The following NEDD4L variants were observed in gnomAD, a reference collection of about 807,000 sequenced individuals.
NEDD4L encodes E3 ubiquitin-protein ligase NEDD4-like.
A neutral mutation model predicts 148.9 loss-of-function variants in NEDD4L; 54 were observed. That is an observed-to-expected ratio of 0.36 (90% CI 0.29 to 0.45). NEDD4L has a LOEUF of 0.45. NEDD4L is among the 20% of genes least tolerant of loss of function. The pLI is 1.00. For synonymous variants in NEDD4L, 433 were observed against 440.7 expected (o/e 0.98, Z 0.22); for missense variants, 856 against 1,233.8 (o/e 0.69, Z 4.59).
At chr18:58,198,410 G>A (rs942199884) in intron 2 of NEDD4L, among the ~76,000 whole-genome samples, 2 of 152,170 alleles carry the variant, frequency 1.3e-5, no homozygotes, top group Non-Finnish European at 2.9e-5. Context: ...TATCAGGTAT[G>A]TCCTTCCCAA....
At chr18:58,345,015 A>C (rs1406164906) in intron 16 of NEDD4L, among the ~76,000 whole-genome samples, 2 of 152,248 alleles carry the variant, frequency 1.3e-5, no homozygotes, top group African/African-American at 4.8e-5. Flanking sequence ...ATTTTAAATT[A>C]AACAGCACTC....
rs181149535 is a variant in NEDD4L at position 58,375,864 on chromosome 18, T to C, written c.2352+2595T>C. Among the ~76,000 whole-genome samples, 53 of 152,328 alleles carry C rather than the reference T, an allele frequency of 3.5e-4. No individual in the cohort carries two copies. In the East Asian group the frequency reaches 0.01, roughly 29 times the overall value. On this transcript the variant is annotated intron_variant, in intron 24 of 30. Coordinates refer to ENST00000400345, the MANE Select transcript of NEDD4L (RefSeq NM_001144967.3). ...TGAGAAAACAAAATCAGTCAAGTCT[T>C]GGTGGCTTTTTTTAAAAAGCCGGAC... is the stretch of plus-strand genomic sequence containing the variant.
intron 5 of NEDD4L, among the ~76,000 whole-genome samples, chr18:58,264,306 T>G (rs952081967): frequency 6.6e-6 from 1 of 151,996 alleles, no homozygotes; most frequent in African/African-American, 2.4e-5. Context: ...GCACCCTCGG[T>G]TGAAATTATA....
chr18:58,051,005 G>A (rs1008974839), intron 1 of NEDD4L, among the ~76,000 whole-genome samples: 1 of 152,092 alleles, frequency 6.6e-6, no homozygotes, highest in African/African-American at 2.4e-5. Context: ...CAAGAAAAGT[G>A]AATAATCTTG....
At chr18:58,186,996 T>C (rs560651139) in intron 2 of NEDD4L, among the ~76,000 whole-genome samples, 46 of 152,380 alleles carry the variant, frequency 3.0e-4, no homozygotes, top group African/African-American at 1.1e-3. Flanking sequence ...TTGTTCATGC[T>C]CTCAGGCATG....
intron 5 of NEDD4L, among the ~76,000 whole-genome samples, chr18:58,274,543 A>G (rs1208680605): frequency 6.6e-6 from 1 of 152,164 alleles, no homozygotes; most frequent in Non-Finnish European, 1.5e-5. Flanking sequence ...AGGGAGTTGA[A>G]AGAGTGGGTA....
At chr18:58,048,017 A>G (rs1279867443) in intron 1 of NEDD4L, among the ~76,000 whole-genome samples, 2 of 152,230 alleles carry the variant, frequency 1.3e-5, no homozygotes, top group African/African-American at 4.8e-5. Context: ...AATGAAGCAA[A>G]TGGCATAGAA....
At chr18:58,327,049 C>T (rs2059370672) in intron 9 of NEDD4L, among the ~76,000 whole-genome samples, 1 of 152,098 alleles carries the variant, frequency 6.6e-6, no homozygotes, top group Non-Finnish European at 1.5e-5. Context: ...GAAACTAAAA[C>T]AAAAGGTATA....
At chr18:58,192,242 C>T (rs2147206312) in intron 2 of NEDD4L, among the ~76,000 whole-genome samples, 1 of 152,228 alleles carries the variant, frequency 6.6e-6, no homozygotes, top group South Asian at 2.1e-4. Flanking sequence ...GAGCCTGGAC[C>T]ATTAAACTGT....
chr18:58,386,864 G>C (rs2049097573), intron 26 of NEDD4L, among the ~76,000 whole-genome samples: 1 of 152,174 alleles, frequency 6.6e-6, no homozygotes, highest in East Asian at 1.9e-4. Flanking sequence ...ATTTAGATAA[G>C]AAATCCCAGG....
chr18:58,276,851 A>G (rs2052145590), intron 5 of NEDD4L, among the ~76,000 whole-genome samples: 1 of 152,148 alleles, frequency 6.6e-6, no homozygotes. Context: ...GGCATATTGC[A>G]GGGTCTGTAG....
At chr18:58,267,217 T>C (rs2050342606) in intron 5 of NEDD4L, among the ~76,000 whole-genome samples, 1 of 152,082 alleles carries the variant, frequency 6.6e-6, no homozygotes, top group Admixed American at 6.5e-5. Context: ...TTAAAATGTC[T>C]CAATTCTAAT....
chr18:58,248,586 G>A (rs114590796), intron 3 of NEDD4L, among the ~76,000 whole-genome samples: 11 of 152,252 alleles, frequency 7.2e-5, no homozygotes, highest in African/African-American at 2.6e-4. Context: ...CTTCTTGGTA[G>A]AATAATCATA....
intron 2 of NEDD4L, among the ~76,000 whole-genome samples, chr18:58,200,514 G>T (rs1009143156): frequency 2.6e-5 from 4 of 152,158 alleles, no homozygotes; most frequent in African/African-American, 7.2e-5. Flanking sequence ...ACATATGCAG[G>T]CCTATTTTAA....
chr18:58,187,924 G>T (rs1411343475), intron 2 of NEDD4L, among the ~76,000 whole-genome samples: 1 of 152,154 alleles, frequency 6.6e-6, no homozygotes, highest in Non-Finnish European at 1.5e-5. Flanking sequence ...CTAAAGAGCT[G>T]GGAATGTGCT....
At chr18:58,333,321 C>G (rs943180019) in intron 11 of NEDD4L, among the ~76,000 whole-genome samples, 8 of 150,430 alleles carry the variant, frequency 5.3e-5, no homozygotes, top group East Asian at 1.9e-4. Context: ...AATACCAGAT[C>G]TTTCAGAAGT....
intron 5 of NEDD4L, among the ~76,000 whole-genome samples, chr18:58,266,529 G>A (rs1325579056): frequency 2.6e-5 from 4 of 152,078 alleles, no homozygotes; most frequent in Non-Finnish European, 4.4e-5. Flanking sequence ...GTAAATACTG[G>A]AGAAATACTG....
At chr18:58,388,711 T>C (rs539833777) in intron 27 of NEDD4L, 2 of 199,520 alleles carry the variant, frequency 1.0e-5, no homozygotes, top group South Asian at 1.0e-4. Flanking sequence ...CTTTTAGATA[T>C]TCAGAGGAAT....
intron 1 of NEDD4L, among the ~76,000 whole-genome samples, chr18:58,110,727 T>G (rs1054477612): frequency 6.6e-6 from 1 of 152,224 alleles, no homozygotes; most frequent in African/African-American, 2.4e-5. Flanking sequence ...CCTTCCTGAC[T>G]CAAGTTTTTG....
Sources: gnomAD v4.1 joint callset for allele counts (sites outside exome capture counted in the v4.1 genomes callset) on GRCh38, gnomAD v4.1.1 for gene constraint, MANE v1.5 for transcripts, NCBI Gene and HGNC (gene_info 2026-07-23, HGNC 2026-07-21) for gene names.